The following NOP2 variants were observed in gnomAD, a reference collection of about 807,000 sequenced individuals.
The protein encoded by NOP2 is 28S rRNA (cytosine(4447)-C(5))-methyltransferase.
In NOP2, 7 loss-of-function variants were observed where a neutral mutation model predicts 72.7. The ratio of observed to expected loss-of-function variants is 0.10; its 90% CI spans 0.05 to 0.18. NOP2 has a LOEUF of 0.18. NOP2 is among the 10% of genes least tolerant of loss of function. NOP2 has a pLI of 1.00. For synonymous variants in NOP2, 387 were observed against 388.0 expected (o/e 1.00, Z 0.03); for missense variants, 954 against 1,014.7 (o/e 0.94, Z 0.81).
intron 15 of NOP2, among the ~76,000 whole-genome samples, chr12:6,559,204 C>T (rs937982451): frequency 7.9e-5 from 12 of 152,070 alleles, no homozygotes; most frequent in African/African-American, 2.9e-4. Flanking sequence ...CTGCAAGCTC[C>T]GCCTCCCGGG....
rs1947695594 is a variant in NOP2, at chr12:6,563,304, C to T, written c.888+11G>A. On this transcript the variant is annotated intron_variant, in intron 8 of 15. Transcript: ENST00000322166. ...AAGAAAAGCAAAAGAGGCATTCTGG[C>T]AATCCAGTACCTCAGACAGAGGGAA... The T allele has an allele frequency of 6.3e-7, 1 of 1,579,168 alleles. No homozygotes were observed. Among genetic ancestry groups the T allele is most frequent in the African/African-American group, 1.4e-5 (1 of 74,012 alleles).
In NOP2 at chr12:6,557,191, C is replaced by A. The variant is rs1298865411; in HGVS notation, c.2241G>T (p.Gln747His). ...CAACCCCCTTGGCCCTTCCAAGGGG[C>A]TGATGATGGTCCTTAGGTTTCAGGG... ...QATLKPKDHH[Q>H]PLGRAKGVEK... is the part of the protein sequence containing the mutation. The change falls in exon 16 of 16, where the codon CAG becomes CAT. Residue 747 changes from glutamine (Q) to histidine (H), a missense_variant. Gln to His is a conservative substitution (Grantham distance 24, BLOSUM62 0). Around this residue, in one of 3 missense-constraint regions of NOP2, gnomAD observed 269 missense variants for 260.2 expected, o/e 1.03. Transcript: ENST00000322166. 1 of 1,614,018 alleles carries A rather than the reference C, an allele frequency of 6.2e-7. No homozygotes were observed.
At position 6,567,899 on chromosome 12, in the gene NOP2, G is replaced by A. The variant is rs371872788; in HGVS notation, c.20C>T (p.Pro7Leu). The A allele has an allele frequency of 8.1e-6, 13 of 1,613,876 alleles. No homozygotes were observed. In the African/African-American group the frequency reaches 1.3e-4, roughly 17 times the overall value. The change falls in exon 2 of 16, where the codon CCT becomes CTT. Residue 7 changes from proline to leucine, a missense_variant. Physicochemically the swap from Pro to Leu is moderately conservative, Grantham distance 98. Around this residue, in one of 3 missense-constraint regions of NOP2, gnomAD observed 498 missense variants for 478.3 expected, o/e 1.04. Transcript: ENST00000322166. MGRKLDPTKEKRGPGRK... is the reference protein window; with the variant it reads MGRKLDLTKEKRGPGRK... Reference sequence around the variant, plus strand: ...GCCTGGCCCCCGCTTCTCCTTCGTAGGGTCCAACTTGCGCCCCATGGTACT... The same window carrying A: ...GCCTGGCCCCCGCTTCTCCTTCGTAAGGTCCAACTTGCGCCCCATGGTACT...
intron 1 of NOP2, 110 bp downstream of exon 1, chr12:6,568,097 G>T (rs914553671): frequency 5.0e-6 from 3 of 598,962 alleles, no homozygotes; most frequent in Non-Finnish European, 8.9e-6. Flanking sequence ...CCCCCTGGAG[G>T]CCCGACCGAA....
Position 6,561,987 on chromosome 12 carries a change from GAT to G in NOP2, c.979-18_979-17del, listed in dbSNP as rs1491381720. On this transcript the variant is annotated splice_polypyrimidine_tract_variant and intron_variant, in intron 9 of 15. Coordinates refer to ENST00000322166, the MANE Select transcript of NOP2 (RefSeq NM_001258308.2). Reference sequence around the variant, plus strand: ...TGATTAGAGCCTGAAAAGGGATGAAGATTTTTTTTTTTTTTTTTTGAGATGGA... The same window carrying G: ...TGATTAGAGCCTGAAAAGGGATGAAGTTTTTTTTTTTTTTTTTGAGATGGA... 4 of 1,388,476 alleles carry G rather than the reference GAT, an allele frequency of 2.9e-6. No individual in the cohort carries two copies. The highest frequency in any genetic ancestry group is 1.2e-5 in the South Asian group (1 of 80,366). 86.0% of individuals were successfully genotyped at this position (1,388,476 alleles called of 1,614,324 possible).
At position 6,566,609 on chromosome 12, in the gene NOP2, T is replaced by C. The variant is rs746254580; in HGVS notation, c.158A>G (p.Lys53Arg). 2.1e-5 allele frequency: 34 copies of C among 1,611,294 alleles called. No individual in the cohort carries two copies. Among genetic ancestry groups the C allele is most frequent in the Non-Finnish European group, 2.9e-5 (34 of 1,177,548 alleles). Residue 53 changes from lysine to arginine, a missense_variant, in exon 4 of 16, where the codon AAG (lysine) becomes AGG (arginine). Lys to Arg is a conservative substitution (Grantham distance 26, BLOSUM62 2). Coordinates refer to ENST00000322166, the MANE Select transcript of NOP2 (RefSeq NM_001258308.2). ...GGCTTCAACAGAGCCCAATCTCCTC[T>C]TGGCTGCCCTGAAAAGACACAAGAG... is the stretch of plus-strand genomic sequence containing the variant. ...LSSRARKRAAKRRLGSVEAPK... is the reference protein window; with the variant it reads ...LSSRARKRAARRRLGSVEAPK...
rs374348066 is a variant in NOP2 at position 6,557,146 on chromosome 12, C to T, written c.2286G>A (p.Glu762=). 6.2e-7 allele frequency: 1 copy of T among 1,613,990 alleles called. No homozygotes were observed. The highest frequency in any genetic ancestry group is 1.1e-5 in the South Asian group (1 of 91,086). ...AKGVEKQQLP[E]QPFEKAAFQK... is the part of the protein sequence containing the mutation. ...GGAAGGCAGCTTTCTCAAAAGGCTG[C>T]TCTGGCAACTGCTGCTTCTCAACCC... The change falls in exon 16 of 16, where the codon GAG becomes GAA. Residue 762 remains glutamate, a synonymous_variant. Coordinates refer to ENST00000322166, the MANE Select transcript of NOP2 (RefSeq NM_001258308.2).
rs1399677307 is a variant in NOP2, at chr12:6,563,954, G to C, written c.475-8C>G. 1.7e-5 allele frequency: 27 copies of C among 1,612,742 alleles called. No homozygotes were observed. Among genetic ancestry groups the C allele is most frequent in the Non-Finnish European group, 2.3e-5 (27 of 1,179,434 alleles). ...TCTTTCAATGGGCAGCAACTGAAGA[G>C]AGACAAGGGCTATTAATACAGGCCT... On this transcript the variant is annotated splice_polypyrimidine_tract_variant and splice_region_variant and intron_variant, in intron 5 of 15. Coordinates refer to ENST00000322166, the MANE Select transcript of NOP2 (RefSeq NM_001258308.2).
rs1457869532 is a variant in NOP2 at position 6,566,112 on chromosome 12, C to T, written c.463G>A (p.Glu155Lys). ...GADSNSEDEE[E>K]GEALLPIERA... is the part of the protein sequence containing the mutation. ...AAGATGAATCTCACCGCTTCACCTT[C>T]CTCCTCATCCTCAGAGTTGGAGTCA... Residue 155 changes from glutamate (E) to lysine (K), a missense_variant, in exon 5 of 16, where the codon GAA becomes AAA. Around this residue, in one of 3 missense-constraint regions of NOP2, gnomAD observed 498 missense variants for 478.3 expected, o/e 1.04. Transcript: ENST00000322166. 1 of 1,612,960 alleles carries T rather than the reference C, an allele frequency of 6.2e-7. No homozygotes were observed. The highest frequency in any genetic ancestry group is 8.5e-7 in the Non-Finnish European group (1 of 1,179,326).
chr12:6,568,022 A>G (rs1947830610), intron 1 of NOP2, 100 bp from the exon 2 acceptor site: 2 of 839,572 alleles, frequency 2.4e-6, no homozygotes, highest in African/African-American at 1.7e-5. Flanking sequence ...CACAGCCTCA[A>G]CTCAGCACCC....
intron 5 of NOP2, chr12:6,564,152 G>A: frequency 7.0e-7 from 1 of 1,424,946 alleles, no homozygotes; most frequent in East Asian, 3.1e-5. Context: ...GCACACACCT[G>A]TAAATCCCAG....
At position 6,560,294 on chromosome 12, in the gene NOP2, A is replaced by G; in HGVS notation, c.1593T>C (p.Ala531=). The change falls in exon 15 of 16, where the codon GCT becomes GCC. Residue 531 remains alanine (A), a synonymous_variant. Transcript: ENST00000322166. This position sits in a 1 kb window ranked among gnomAD's most constrained non-coding sequence, Gnocchi z 5.0. ...CCAGTCGCACATTCCTCTTTTTCAG[A>G]GCATAGTCTACCACCCACTCATTCT... ...VEENEWVVDY[A]LKKRNVRLVP... The G allele has an allele frequency of 6.2e-7, 1 of 1,613,922 alleles. No homozygotes were observed. The highest frequency in any genetic ancestry group is 8.5e-7 in the Non-Finnish European group (1 of 1,179,860).
At chr12:6,566,480 G>T in intron 4 of NOP2, 49 bp downstream of exon 4, 1 of 1,569,766 alleles carries the variant, frequency 6.4e-7, no homozygotes, top group Non-Finnish European at 8.8e-7. Flanking sequence ...TCCCTACCCA[G>T]GACCCAAAGG....
In NOP2 at chr12:6,557,546, G is replaced by A. The variant is rs199862207; in HGVS notation, c.1886C>T (p.Ala629Val). 209 of 1,613,912 alleles carry A rather than the reference G, an allele frequency of 1.3e-4. No individual in the cohort carries two copies. In the African/African-American group the frequency reaches 2.7e-3, roughly 21 times the overall value. Residue 629 changes from alanine (A) to valine (V), a missense_variant, in exon 16 of 16, where the codon GCT becomes GTT. Physicochemically the swap from Ala to Val is moderately conservative, Grantham distance 64. Around this residue, in one of 3 missense-constraint regions of NOP2, gnomAD observed 269 missense variants for 260.2 expected, o/e 1.03. Coordinates refer to ENST00000322166, the MANE Select transcript of NOP2 (RefSeq NM_001258308.2). ...CTGCAGCTGCTGCTTTGTCTTTGCA[G>A]CCCCCTTGGCTTTCTTGGCTGGCTG... ...SSQPAKKAKG[A>V]AKTKQQLQKQ...
At chr12:6,558,049 A>C (rs1241432729) in intron 15 of NOP2, 2 of 355,016 alleles carry the variant, frequency 5.6e-6, no homozygotes, top group Non-Finnish European at 1.1e-5. Context: ...TCTGAGGCAC[A>C]AGAATCGCTT....
chr12:6,561,988 ATTTTTTTTT>A lies in NOP2; in HGVS notation c.979-26_979-18del. ...GATTAGAGCCTGAAAAGGGATGAAG[ATTTTTTTTT>A]TTTTTTTTTGAGATGGAGTCTCACT... is the stretch of plus-strand genomic sequence containing the variant. On this transcript the variant is annotated intron_variant, in intron 9 of 15. Transcript: ENST00000322166. 7.5e-7 allele frequency: 1 copy of A among 1,324,986 alleles called. No homozygotes were observed. Among genetic ancestry groups the A allele is most frequent in the Non-Finnish European group, 1.0e-6 (1 of 954,960 alleles). The allele number at this position is 1,324,986 out of a possible 1,614,324, so 82.1% of individuals were successfully genotyped here. A position where few individuals can be genotyped will look rare whatever the true frequency, so the allele number is the denominator to read the frequency against.
At position 6,563,337 on chromosome 12, in the gene NOP2, A is replaced by C. The variant is rs1349785569; in HGVS notation, c.866T>G (p.Met289Arg). 6.3e-7 allele frequency: 1 copy of C among 1,597,814 alleles called. No homozygotes were observed. The highest frequency in any genetic ancestry group is 8.5e-7 in the Non-Finnish European group (1 of 1,172,286). ...SYGDFLLGKL[M>R]DLFPLSELVE... ...TACCTCAGACAGAGGGAAGAGGTCC[A>C]TGAGCTTGCCAAGCAGGAAGTCTCC... The change falls in exon 8 of 16, where the codon ATG becomes AGG. Residue 289 changes from methionine (M) to arginine (R), a missense_variant. Met to Arg is a moderately conservative substitution (Grantham distance 91). This residue lies in a region of NOP2 where 498 missense variants were observed against 478.3 expected (regional missense o/e 1.04). Transcript: ENST00000322166.
intron 5 of NOP2, 126 bp downstream of exon 5, chr12:6,565,975 T>G (rs1021238555): frequency 2.2e-5 from 16 of 729,514 alleles, no homozygotes; most frequent in East Asian, 1.6e-4. Context: ...GAAACAGTGA[T>G]GGAGCACAAA....
Position 6,560,582 on chromosome 12 carries a change from G to T in NOP2, c.1438-13C>A. ...TGTCCTTCTCATCCTGTCCCAAAAA[G>T]AGACCCAAAGGCAGCCTCAGGAGGA... is the stretch of plus-strand genomic sequence containing the variant. On this transcript the variant is annotated splice_polypyrimidine_tract_variant and intron_variant, in intron 13 of 15. Transcript: ENST00000322166. This position sits in a 1 kb window ranked among gnomAD's most constrained non-coding sequence, Gnocchi z 5.0. 6.3e-7 allele frequency: 1 copy of T among 1,597,194 alleles called. No homozygotes were observed. Among genetic ancestry groups the T allele is most frequent in the South Asian group, 1.1e-5 (1 of 89,768 alleles).
Sources: gnomAD v4.1 joint callset for allele counts (sites outside exome capture counted in the v4.1 genomes callset) on GRCh38, gnomAD v4.1.1 for gene constraint, gnomAD v4.1.1 regional missense constraint, Gnocchi (gnomAD v3.1) non-coding constraint, MANE v1.5 for transcripts, NCBI Gene and HGNC (gene_info 2026-07-23, HGNC 2026-07-21) for gene names.